SCG5: variants seen among roughly 807,000 people sequenced by gnomAD.
SCG5 encodes the protein secretogranin V, also known as neuroendocrine protein 7B2.
A neutral mutation model predicts 25.7 loss-of-function variants in SCG5; 18 were observed. The ratio of observed to expected loss-of-function variants is 0.70; its 90% CI spans 0.48 to 1.04. The LOEUF (loss-of-function observed/expected upper bound fraction) is 1.04. Among genes scored for constraint, SCG5 ranks in the 50% least tolerant of loss-of-function variants. The probability of loss-of-function intolerance (pLI) is 0.00; values close to 1 mark genes in which losing one functional copy is unlikely to be tolerated. For synonymous variants in SCG5, 101 were observed against 91.7 expected (o/e 1.10, Z -0.58); for missense variants, 206 against 259.8 (o/e 0.79, Z 1.42).
intron 2 of SCG5, among the ~76,000 whole-genome samples, chr15:32,650,782 C>A (rs12905989): frequency 6.6e-6 from 1 of 152,218 alleles, no homozygotes; most frequent in African/African-American, 2.4e-5. Flanking sequence ...CCCCACAGTT[C>A]TAGGCCACCA....
Position 32,696,754 on chromosome 15 carries a change from T to G in SCG5, c.*145T>G, listed in dbSNP as rs1034615537. ...AAAGCAGCTGTATGTAGATAGTGTA[T>G]TGTCTTCACACCGATGATTCTGCTT... On this transcript the variant is annotated 3_prime_UTR_variant, in exon 6 of 6. Transcript: ENST00000300175. 2 of 523,402 alleles carry G rather than the reference T, an allele frequency of 3.8e-6. No individual in the cohort carries two copies. The highest frequency in any genetic ancestry group is 3.8e-5 in the African/African-American group (2 of 52,452). 32.4% of individuals were successfully genotyped at this position (523,402 alleles called of 1,614,324 possible). A position where few individuals can be genotyped will look rare whatever the true frequency, so the allele number is the denominator to read the frequency against.
At chr15:32,650,310 C>G (rs1376413829) in intron 2 of SCG5, among the ~76,000 whole-genome samples, 2 of 152,146 alleles carry the variant, frequency 1.3e-5, no homozygotes, top group Non-Finnish European at 2.9e-5. Context: ...ACCATGTTAG[C>G]CAGGATGGTC....
In SCG5 at chr15:32,663,795, G is replaced by C. The variant is rs562009449; in HGVS notation, c.227-15971G>C. ...GAGAAGAAAATGGCATTTCCCTGCA[G>C]ATGGGCTGTACCAGCTGCAGCTTCA... is the stretch of plus-strand genomic sequence containing the variant. On this transcript the variant is annotated intron_variant, in intron 2 of 5. Transcript: ENST00000300175. 5.6e-4 allele frequency among the ~76,000 whole-genome samples: 86 copies of C among 152,282 alleles called. 1 individual carries two copies. The highest frequency in any genetic ancestry group is 3.9e-3 in the Admixed American group (60 of 15,302).
intron 4 of SCG5, 135 bp downstream of exon 4, chr15:32,684,804 A>T (rs2054676179): frequency 7.8e-6 from 5 of 639,486 alleles, no homozygotes; most frequent in Non-Finnish European, 1.4e-5. Context: ...TCTCTGGTTG[A>T]CAGAGCTTCA....
chr15:32,642,597 G>A (rs571998668), intron 1 of SCG5, among the ~76,000 whole-genome samples: 26 of 144,758 alleles, frequency 1.8e-4, no homozygotes, highest in Admixed American at 1.5e-3. Context: ...AAAAAAAAAG[G>A]GTTTGCAAGG....
At chr15:32,659,176 AAAAAAAAACAAAC>A (rs949347266) in intron 2 of SCG5, among the ~76,000 whole-genome samples, 5 of 125,982 alleles carry the variant, frequency 4.0e-5, no homozygotes, top group African/African-American at 1.4e-4. Flanking sequence ...ACTCTGTCTC[AAAAAAAAACAAAC>A]AAAAAAAACC....
chr15:32,691,583 A>T, intron 4 of SCG5, 127 bp from the exon 5 acceptor site: 1 of 736,656 alleles, frequency 1.4e-6, no homozygotes, highest in Non-Finnish European at 2.3e-6. Flanking sequence ...CCTTTCATCT[A>T]GTTTTGTTTC....
intron 2 of SCG5, among the ~76,000 whole-genome samples, chr15:32,652,621 T>A (rs1480189897): frequency 3.3e-5 from 5 of 152,188 alleles, no homozygotes; most frequent in African/African-American, 7.2e-5. Context: ...GGCAAAGGTG[T>A]GCTGGGATAC....
intron 2 of SCG5, chr15:32,665,662 T>C (rs921028803): frequency 3.3e-5 from 5 of 152,206 alleles, no homozygotes; most frequent in Admixed American, 2.6e-4. Context: ...CATTTTGTTT[T>C]TCGTGGCAGT....
chr15:32,656,241 A>T (rs1039798504), intron 2 of SCG5: 1 of 152,156 alleles, frequency 6.6e-6, no homozygotes, highest in Non-Finnish European at 1.5e-5. Flanking sequence ...TCTGTTCAAA[A>T]CTCAGAGTGT....
At chr15:32,690,408 AG>A (rs2054828701) in intron 4 of SCG5, among the ~76,000 whole-genome samples, 1 of 152,246 alleles carries the variant, frequency 6.6e-6, no homozygotes, top group Non-Finnish European at 1.5e-5. Flanking sequence ...GTTCACAGAA[AG>A]GCAACCACAG....
Position 32,691,701 on chromosome 15 carries a change from C to T in SCG5, c.490-9C>T. The T allele has an allele frequency of 1.3e-6, 2 of 1,598,816 alleles. No individual in the cohort carries two copies. The highest frequency in any genetic ancestry group is 2.3e-5 in the South Asian group (2 of 88,076). ...CTGCATTTTTTGTTTTCTTTTCTCCCCATTCTAGAACAAGAAACTCCTTTA... is the reference window on the plus strand; with the variant it reads ...CTGCATTTTTTGTTTTCTTTTCTCCTCATTCTAGAACAAGAAACTCCTTTA... On this transcript the variant is annotated splice_polypyrimidine_tract_variant and intron_variant, in intron 4 of 5. Coordinates refer to ENST00000300175, the MANE Select transcript of SCG5 (RefSeq NM_001144757.3).
Position 32,696,613 on chromosome 15 carries a change from G to C in SCG5, c.*4G>C. On this transcript the variant is annotated 3_prime_UTR_variant, in exon 6 of 6. Transcript: ENST00000300175. ...TGAGGATAAGGATCCAGAGTAAAGA[G>C]AAGATGCTAGACGAAAACCCACATT... 6.2e-7 allele frequency: 1 copy of C among 1,602,632 alleles called. No individual in the cohort carries two copies. The highest frequency in any genetic ancestry group is 8.5e-7 in the Non-Finnish European group (1 of 1,171,014).
rs140443925 is a variant in SCG5, at chr15:32,645,065, A to G, written c.226+1247A>G. Among the ~76,000 whole-genome samples the G allele has an allele frequency of 1.4e-4, 22 of 152,344 alleles. No homozygotes were observed. The East Asian group carries it at 3.5e-3, about 24-fold the overall frequency. ...ATCGGCAAGCATGCAAACCTAGCAC[A>G]TGGCTTGAATTAGAACAAATCCGAC... On this transcript the variant is annotated intron_variant, in intron 2 of 5. Transcript: ENST00000300175.
chr15:32,695,955 A>G (rs1279330481), intron 5 of SCG5, among the ~76,000 whole-genome samples: 1 of 152,180 alleles, frequency 6.6e-6, no homozygotes, highest in Non-Finnish European at 1.5e-5. Context: ...AAAGAGCTCT[A>G]TAGTTGTGTG....
At chr15:32,655,721 C>T (rs2054106515) in intron 2 of SCG5, among the ~76,000 whole-genome samples, 1 of 152,140 alleles carries the variant, frequency 6.6e-6, no homozygotes, top group Non-Finnish European at 1.5e-5. Flanking sequence ...TGAAAGAGGC[C>T]AGAGGAAGCT....
At position 32,696,543 on chromosome 15, in the gene SCG5, A is replaced by G; in HGVS notation, c.573A>G (p.Arg191=). Residue 191 remains arginine (R), a synonymous_variant, in exon 6 of 6, where the codon AGA becomes AGG. Transcript: ENST00000300175. ...RSVNPYLQGQ[R]LDNVVAKKSV... ...TCAATCCATATCTACAAGGACAGAGACTGGATAATGTTGTTGCAAAGAAGT... is the reference window on the plus strand; with the variant it reads ...TCAATCCATATCTACAAGGACAGAGGCTGGATAATGTTGTTGCAAAGAAGT... 1 of 1,612,878 alleles carries G rather than the reference A, an allele frequency of 6.2e-7. No individual in the cohort carries two copies. The highest frequency in any genetic ancestry group is 8.5e-7 in the Non-Finnish European group (1 of 1,179,328).
intron 2 of SCG5, among the ~76,000 whole-genome samples, chr15:32,678,400 A>G (rs551239018): frequency 2.6e-5 from 4 of 152,364 alleles, no homozygotes; most frequent in Non-Finnish European, 5.9e-5. Context: ...AACAGCTCAC[A>G]TAAAAGAAAT....
intron 5 of SCG5, 77 bp from the exon 6 acceptor site, chr15:32,696,437 T>A: frequency 9.2e-7 from 1 of 1,083,248 alleles, no homozygotes; most frequent in Non-Finnish European, 1.4e-6. Context: ...TTCTTGTTCA[T>A]TTCTTTTCTG....
Sources: gnomAD v4.1 joint callset for allele counts (sites outside exome capture counted in the v4.1 genomes callset) on GRCh38, gnomAD v4.1.1 for gene constraint, MANE v1.5 for transcripts, NCBI Gene and HGNC (gene_info 2026-07-23, HGNC 2026-07-21) for gene names.